The following ENG variants were observed in gnomAD, a reference collection of about 807,000 sequenced individuals.
ENG encodes endoglin.
In ENG, 17 loss-of-function variants were observed where a neutral mutation model predicts 71.0. The observed-to-expected ratio is 0.24, with a 90% confidence interval of 0.16 to 0.36. The LOEUF (loss-of-function observed/expected upper bound fraction) is 0.36, where lower values mean the gene tolerates loss of function less well. Among genes scored for constraint, ENG ranks in the 10% least tolerant of loss-of-function variants. The probability of loss-of-function intolerance (pLI) is 1.00; values close to 1 mark genes in which losing one functional copy is unlikely to be tolerated. For missense variants in ENG, 749 were observed against 868.3 expected (o/e 0.86, Z 1.73); for synonymous variants, 360 against 366.9 (o/e 0.98, Z 0.21).
In ENG at chr9:127,838,105, T is replaced by G. The variant is rs1830947202; in HGVS notation, c.219+4989A>C. 6.6e-6 allele frequency among the ~76,000 whole-genome samples: 1 copy of G among 152,148 alleles called. No individual in the cohort carries two copies. Among genetic ancestry groups the G allele is most frequent in the Admixed American group, 6.6e-5 (1 of 15,266 alleles). ...ATACCCAAACTCCACCATGCCTGCC[T>G]CCCCAAGTAGCCAACTCAACCATCC... is the stretch of plus-strand genomic sequence containing the variant. On this transcript the variant is annotated intron_variant, in intron 2 of 14. Coordinates refer to ENST00000373203, the MANE Select transcript of ENG (RefSeq NM_001114753.3). The surrounding 1 kb of genome is among the most constrained non-coding windows in gnomAD (Gnocchi z 4.3).
chr9:127,829,731 A>C lies in ENG; in HGVS notation c.316T>G (p.Phe106Val). 1 of 1,614,170 alleles carries C rather than the reference A, an allele frequency of 6.2e-7. No homozygotes were observed. Among genetic ancestry groups the C allele is most frequent in the East Asian group, 2.2e-5 (1 of 44,882 alleles). ...LLVLSVNSSV[F>V]LHLQALGIPL... Reference sequence around the variant, plus strand: ...ATTCCCAGGGCCTGGAGATGCAGGAAGACACTGCTGTTTACACTGAGGACC... The same window carrying C: ...ATTCCCAGGGCCTGGAGATGCAGGACGACACTGCTGTTTACACTGAGGACC... Residue 106 changes from phenylalanine (F) to valine (V), a missense_variant, in exon 3 of 15, where the codon TTC becomes GTC. Transcript: ENST00000373203.
intron 4 of ENG, among the ~76,000 whole-genome samples, chr9:127,826,300 C>T (rs957093572): frequency 2.0e-5 from 3 of 152,170 alleles, no homozygotes; most frequent in African/African-American, 7.2e-5. Flanking sequence ...GGTTTTAGGT[C>T]AGAACCTGGC....
rs768254688 is a variant in ENG at position 127,836,243 on chromosome 9, G to A, written c.220-6416C>T. ...TTCCTCATGGGACCCTGGGAATTCC[G>A]CAGTCTGGCCAGCCCCTCACCCCCA... On this transcript the variant is annotated intron_variant, in intron 2 of 14. Transcript: ENST00000373203. This position sits in a 1 kb window ranked among gnomAD's most constrained non-coding sequence, Gnocchi z 4.0. Among the ~76,000 whole-genome samples, 7 of 152,118 alleles carry A rather than the reference G, an allele frequency of 4.6e-5. No individual in the cohort carries two copies. The highest frequency in any genetic ancestry group is 6.5e-5 in the Admixed American group (1 of 15,274).
Position 127,824,634 on chromosome 9 carries a change from C to T in ENG, c.991+166G>A, listed in dbSNP as rs530203331. On this transcript the variant is annotated intron_variant, in intron 7 of 14. Coordinates refer to ENST00000373203, the MANE Select transcript of ENG (RefSeq NM_001114753.3). ...CCCAGGTTCAAGCGATTCTCAGGCT[C>T]TTCTATGATTAGCTACTCCCATTGT... Among the ~76,000 whole-genome samples, 124 of 149,824 alleles carry T rather than the reference C, an allele frequency of 8.3e-4. 1 individual carries two copies. Among genetic ancestry groups the T allele is most frequent in the Non-Finnish European group, 1.5e-3 (105 of 67,788 alleles).
At chr9:127,816,775 A>C in intron 13 of ENG, 1 of 362,170 alleles carries the variant, frequency 2.8e-6, no homozygotes, top group Non-Finnish European at 5.3e-6. Flanking sequence ...TCCTGCAGGG[A>C]GAGGCCTCAA....
chr9:127,839,405 A>C (rs1446025982), intron 2 of ENG, among the ~76,000 whole-genome samples: 1 of 152,190 alleles, frequency 6.6e-6, no homozygotes, highest in Non-Finnish European at 1.5e-5. Context: ...CTCAGTGGTC[A>C]CAGCAGTAGG....
chr9:127,841,572 A>T (rs1267219603), intron 2 of ENG, among the ~76,000 whole-genome samples: 4 of 152,228 alleles, frequency 2.6e-5, no homozygotes. Context: ...ATCAAAGCCC[A>T]CAGTCCTCGT....
chr9:127,839,162 A>G lies in ENG; in HGVS notation c.219+3932T>C, dbSNP rs183271509. 5.7e-4 allele frequency among the ~76,000 whole-genome samples: 86 copies of G among 152,142 alleles called. No homozygotes were observed. The East Asian group carries it at 0.014, about 24-fold the overall frequency. ...CCTCCCTCCTCTACCTTCAGTGCTC[A>G]TCACCCCATCACCTGCGGCCCCCTG... is the stretch of plus-strand genomic sequence containing the variant. On this transcript the variant is annotated intron_variant, in intron 2 of 14. Transcript: ENST00000373203.
At chr9:127,817,570 T>C (rs1830356787) in intron 12 of ENG, among the ~76,000 whole-genome samples, 1 of 152,132 alleles carries the variant, frequency 6.6e-6, no homozygotes, top group Non-Finnish European at 1.5e-5. Context: ...AGTTGAAGGC[T>C]TCCCTAGCTT....
chr9:127,823,639 C>T (rs1308697527), intron 8 of ENG, among the ~76,000 whole-genome samples: 1 of 147,802 alleles, frequency 6.8e-6, no homozygotes, highest in Admixed American at 6.7e-5. Flanking sequence ...CCACCCGCCT[C>T]GGCCTCCCAA....
chr9:127,845,297 G>T (rs1300092606), intron 1 of ENG, among the ~76,000 whole-genome samples: 1 of 152,212 alleles, frequency 6.6e-6, no homozygotes, highest in Non-Finnish European at 1.5e-5. Context: ...CCCACAGCAC[G>T]TTGGGCTCTG....
intron 8 of ENG, among the ~76,000 whole-genome samples, chr9:127,821,772 A>G (rs1001581862): frequency 1.8e-4 from 27 of 150,676 alleles, no homozygotes; most frequent in African/African-American, 6.6e-4. Context: ...AATCCCAGCT[A>G]CTCGGGAGGC....
chr9:127,825,604 C>T (rs2131888579), intron 5 of ENG, 91 bp downstream of exon 5: 1 of 1,234,530 alleles, frequency 8.1e-7, no homozygotes. Flanking sequence ...TGGGGTGGGG[C>T]TTTATAAGGG....
At chr9:127,822,350 G>A (rs897074136) in intron 8 of ENG, 2 of 152,150 alleles carry the variant, frequency 1.3e-5, no homozygotes, top group Non-Finnish European at 2.9e-5. Context: ...TGGAGACAGC[G>A]AAGAGGTTGA....
At chr9:127,817,934 C>T (rs1452529026) in intron 12 of ENG, 186 bp downstream of exon 12, 2 of 815,848 alleles carry the variant, frequency 2.5e-6, no homozygotes, top group African/African-American at 3.4e-5. Flanking sequence ...ACACAGCAGT[C>T]CCACCAGAAA....
intron 2 of ENG, among the ~76,000 whole-genome samples, chr9:127,835,278 C>T (rs1378779457): frequency 6.6e-6 from 1 of 152,146 alleles, no homozygotes; most frequent in Admixed American, 6.5e-5. Context: ...GGATTACAGG[C>T]GTGAGCCACC....
chr9:127,816,202 G>T, intron 13 of ENG, 149 bp from the exon 14 acceptor site: 1 of 1,009,590 alleles, frequency 9.9e-7, no homozygotes, highest in Non-Finnish European at 1.5e-6. Context: ...TGCAGCAAAC[G>T]GGCTCATCAC....
At chr9:127,839,450 G>C (rs979595056) in intron 2 of ENG, among the ~76,000 whole-genome samples, 1 of 152,230 alleles carries the variant, frequency 6.6e-6, no homozygotes, top group Non-Finnish European at 1.5e-5. Flanking sequence ...CCTCAGAGCA[G>C]GGAGACAAGA....
At chr9:127,849,522 G>A (rs947648508) in intron 1 of ENG, among the ~76,000 whole-genome samples, 13 of 152,314 alleles carry the variant, frequency 8.5e-5, no homozygotes, top group Admixed American at 2.6e-4. Context: ...GTGGGGAAGA[G>A]CGGGGGTGGA....
Sources: allele counts gnomAD v4.1 joint callset (sites outside exome capture counted in the v4.1 genomes callset), GRCh38; gene constraint gnomAD v4.1.1; non-coding constraint Gnocchi (gnomAD v3.1); transcripts MANE v1.5; gene names NCBI Gene and HGNC (gene_info 2026-07-23, HGNC 2026-07-21).